DISP3: variants seen among roughly 807,000 people sequenced by gnomAD.
DISP3 encodes protein dispatched homolog 3.
A neutral mutation model predicts 135.3 loss-of-function variants in DISP3; 101 were observed. The ratio of observed to expected loss-of-function variants is 0.75; its 90% CI spans 0.64 to 0.88. DISP3 has a LOEUF of 0.88. Among genes scored for constraint, DISP3 ranks in the 40% least tolerant of loss-of-function variants. The pLI, the probability that DISP3 is intolerant of heterozygous loss-of-function variation, is 0.00. For synonymous variants in DISP3, 856 were observed against 817.0 expected, an observed-to-expected ratio of 1.05 and a Z score of -0.81; for missense variants, 1,713 against 1,878.6, an observed-to-expected ratio of 0.91 and a Z score of 1.63.
Position 11,516,284 on chromosome 1 carries a change from C to T in DISP3, c.1749+123C>T, listed in dbSNP as rs1642010889. 1 of 1,218,946 alleles carries T rather than the reference C, an allele frequency of 8.2e-7. No homozygotes were observed. The highest frequency in any genetic ancestry group is 2.6e-5 in the Admixed American group (1 of 38,986). 75.5% of individuals were successfully genotyped at this position (1,218,946 alleles called of 1,614,324 possible). A position where few individuals can be genotyped will look rare whatever the true frequency, so the allele number is the denominator to read the frequency against. On this transcript the variant is annotated intron_variant, in intron 6 of 20. Coordinates refer to ENST00000294484, the MANE Select transcript of DISP3 (RefSeq NM_020780.2). This position sits in a 1 kb window ranked among gnomAD's most constrained non-coding sequence, Gnocchi z 5.1. Reference sequence around the variant, plus strand: ...ATAGCCTTCACCTCAAGGTACTTGCCCTGGCTCTAGAGTTCATTTTTGTCA... The same window carrying T: ...ATAGCCTTCACCTCAAGGTACTTGCTCTGGCTCTAGAGTTCATTTTTGTCA...
At chr1:11,532,727 A>AGTCTCT (rs1642606694) in intron 17 of DISP3, among the ~76,000 whole-genome samples, 1 of 152,066 alleles carries the variant, frequency 6.6e-6, no homozygotes, top group South Asian at 2.1e-4. Flanking sequence ...TTTGAGTCAG[A>AGTCTCT]GTCTCTGTCC....
At chr1:11,503,789 A>G (rs1157134190) in intron 3 of DISP3, among the ~76,000 whole-genome samples, 1 of 152,194 alleles carries the variant, frequency 6.6e-6, no homozygotes, top group African/African-American at 2.4e-5. Flanking sequence ...TCTAATACCC[A>G]GGGAGGTAAT....
In DISP3 at chr1:11,522,627, GA is replaced by G. The variant is rs1557615036; in HGVS notation, c.2363-1314del. 1.3e-3 allele frequency among the ~76,000 whole-genome samples: 69 copies of G among 51,688 alleles called. 1 individual carries two copies. The highest frequency in any genetic ancestry group is 2.6e-3 in the Admixed American group (13 of 4,978). 33.9% of individuals were successfully genotyped at this position (51,688 alleles called of 152,430 possible). A position where few individuals can be genotyped will look rare whatever the true frequency, so the allele number is the denominator to read the frequency against. ...CCAGAGCCCAGCCAGGACCCAGCCA[GA>G]GCCCAGCCAGAGCCCAGCCAGGGCC... On this transcript the variant is annotated intron_variant, in intron 10 of 20. Transcript: ENST00000294484.
Position 11,525,265 on chromosome 1 carries a change from C to T in DISP3, c.2566C>T (p.Pro856Ser), listed in dbSNP as rs371821490. ...RLSLNASLPA[P>S]WQAVSPGDGE... ...CTCCCTCAATGCCAGCCTGCCTGCT[C>T]CTTGGCAGGCTGTGTCGCCTGGGGA... Residue 856 changes from proline (P) to serine (S), a missense_variant, in exon 12 of 21, where the codon CCT (proline) becomes TCT (serine). Around this residue, in one of 2 missense-constraint regions of DISP3, gnomAD observed 1,142 missense variants for 1,384.6 expected, o/e 0.82. Transcript: ENST00000294484. 4.8e-5 allele frequency: 77 copies of T among 1,613,944 alleles called. No individual in the cohort carries two copies. The African/African-American group carries it at 7.7e-4, about 16-fold the overall frequency.
Position 11,502,018 on chromosome 1 carries a change from CT to C in DISP3, c.1032del (p.Thr346ProfsTer27). On this transcript the variant is annotated frameshift_variant, in exon 2 of 21. Transcript: ENST00000294484. LOFTEE classifies it high-confidence loss of function. ...CSPPSSLMTY[F>X]FPTERGGKIY... Reference sequence around the variant, plus strand: ...CGCCCCCCAGCTCGCTCATGACCTACTTTTTTCCCACCGAGAGGGGCGGCAA... The same window carrying C: ...CGCCCCCCAGCTCGCTCATGACCTACTTTTTCCCACCGAGAGGGGCGGCAA... The C allele has an allele frequency of 6.2e-7, 1 of 1,604,690 alleles. No homozygotes were observed. The highest frequency in any genetic ancestry group is 8.5e-7 in the Non-Finnish European group (1 of 1,174,862).
At chr1:11,488,444 C>A (rs57630386) in intron 1 of DISP3, among the ~76,000 whole-genome samples, 1,891 of 152,312 alleles carry the variant, frequency 0.012, 33 homozygotes, top group African/African-American at 0.042. Flanking sequence ...CTGTCACTCA[C>A]CAAGGGAGCC....
chr1:11,502,144 A>G (rs1641559052), intron 2 of DISP3, 56 bp downstream of exon 2: 3 of 1,508,366 alleles, frequency 2.0e-6, no homozygotes, highest in Admixed American at 2.2e-5. Context: ...ACAGCTCTTT[A>G]TGGAGATTTG....
chr1:11,501,588 G>A lies in DISP3; in HGVS notation c.596G>A (p.Arg199Gln). Reference protein sequence around the residue: ...TSAAQKPTANRSGRLRRETPP... With the variant: ...TSAAQKPTANQSGRLRRETPP... ...GCGGCTCAAAAGCCCACAGCCAATC[G>A]GAGCGGGCGACTTCGGCGTGAGACC... Residue 199 changes from arginine to glutamine, a missense_variant, in exon 2 of 21, where the codon CGG (arginine) becomes CAG (glutamine). This residue lies in a region of DISP3 where 571 missense variants were observed against 494.1 expected (regional missense o/e 1.16). Coordinates refer to ENST00000294484, the MANE Select transcript of DISP3 (RefSeq NM_020780.2). This position sits in a 1 kb window ranked among gnomAD's most constrained non-coding sequence, Gnocchi z 4.9. The A allele has an allele frequency of 6.3e-7, 1 of 1,594,818 alleles. No individual in the cohort carries two copies. The highest frequency in any genetic ancestry group is 8.6e-7 in the Non-Finnish European group (1 of 1,169,020).
intron 1 of DISP3, chr1:11,481,369 C>T (rs1291197556): frequency 1.3e-5 from 2 of 152,274 alleles, no homozygotes; most frequent in African/African-American, 4.8e-5. Flanking sequence ...GCCACAGAGC[C>T]CCAGTGATCT....
chr1:11,504,546 G>A (rs1641644869), intron 3 of DISP3, among the ~76,000 whole-genome samples: 1 of 152,186 alleles, frequency 6.6e-6, no homozygotes, highest in Admixed American at 6.5e-5. Context: ...TGAGAGGTGG[G>A]GCCTAGTGGA....
chr1:11,512,417 A>T (rs779367847), intron 3 of DISP3, among the ~76,000 whole-genome samples: 36 of 152,166 alleles, frequency 2.4e-4, no homozygotes, highest in Non-Finnish European at 5.3e-4. Context: ...ATCTCTCTCA[A>T]GTTCAAAGTT....
At chr1:11,490,839 C>T (rs1278605888) in intron 1 of DISP3, among the ~76,000 whole-genome samples, 2 of 152,158 alleles carry the variant, frequency 1.3e-5, no homozygotes, top group African/African-American at 2.4e-5. Flanking sequence ...TTGGATCAGA[C>T]GTGATATAAA....
At chr1:11,509,924 C>A (rs1030891755) in intron 3 of DISP3, among the ~76,000 whole-genome samples, 2 of 151,962 alleles carry the variant, frequency 1.3e-5, no homozygotes, top group African/African-American at 4.8e-5. Flanking sequence ...CATGGTGAAA[C>A]CCATGTTACT....
Position 11,526,844 on chromosome 1 carries a change from G to A in DISP3, c.2798+9G>A. 2.5e-6 allele frequency: 4 copies of A among 1,594,072 alleles called. No homozygotes were observed. The highest frequency in any genetic ancestry group is 3.4e-6 in the Non-Finnish European group (4 of 1,174,362). On this transcript the variant is annotated intron_variant, in intron 13 of 20. Transcript: ENST00000294484. ...GAGCAGCAGCACACCCGGTAACAGAGCCTGGCAGACAAGCCGGTGCCCATC... is the reference window on the plus strand; with the variant it reads ...GAGCAGCAGCACACCCGGTAACAGAACCTGGCAGACAAGCCGGTGCCCATC...
chr1:11,490,319 G>A (rs1360477931), intron 1 of DISP3, among the ~76,000 whole-genome samples: 1 of 152,194 alleles, frequency 6.6e-6, no homozygotes, highest in Non-Finnish European at 1.5e-5. Flanking sequence ...CCAGGCTAGA[G>A]TGCAGTGGCA....
chr1:11,490,898 T>C (rs1379809430), intron 1 of DISP3, among the ~76,000 whole-genome samples: 1 of 152,174 alleles, frequency 6.6e-6, no homozygotes, highest in Non-Finnish European at 1.5e-5. Flanking sequence ...GCTCAATGGA[T>C]GGTAAACTCC....
chr1:11,514,262 A>T (rs537839489), intron 3 of DISP3, 128 bp from the exon 4 acceptor site: 1 of 1,150,728 alleles, frequency 8.7e-7, no homozygotes, highest in South Asian at 1.5e-5. Flanking sequence ...GGTGATTTTG[A>T]TATCCAACCA....
intron 3 of DISP3, among the ~76,000 whole-genome samples, chr1:11,507,904 T>G (rs939956282): frequency 1.3e-5 from 2 of 152,260 alleles, no homozygotes; most frequent in Non-Finnish European, 2.9e-5. Flanking sequence ...AATGTGTGAA[T>G]GAATAAATGA....
intron 20 of DISP3, 133 bp downstream of exon 20, chr1:11,535,777 TAAG>T: frequency 8.2e-7 from 1 of 1,220,456 alleles, no homozygotes; most frequent in South Asian, 1.5e-5. Context: ...TTCTAGAAAC[TAAG>T]GTTTCCCAAA....
Sources: gnomAD v4.1 joint callset for allele counts (sites outside exome capture counted in the v4.1 genomes callset) on GRCh38, gnomAD v4.1.1 for gene constraint, gnomAD v4.1.1 regional missense constraint, Gnocchi (gnomAD v3.1) non-coding constraint, MANE v1.5 for transcripts, NCBI Gene and HGNC (gene_info 2026-07-23, HGNC 2026-07-21) for gene names.